Variants in PALLD observed in about 807,000 individuals in gnomAD.
PALLD encodes palladin, cytoskeletal associated protein.
In PALLD, 61 loss-of-function variants were observed where a neutral mutation model predicts 123.5. That is an observed-to-expected ratio of 0.49 (90% confidence interval 0.40 to 0.61). The LOEUF is 0.61. Among genes scored for constraint, PALLD ranks in the 20% least tolerant of loss-of-function variants. The pLI is 0.00. For synonymous variants in PALLD, 465 were observed against 496.4 expected (o/e 0.94, Z 0.84); for missense variants, 1,273 against 1,377.0 (o/e 0.92, Z 1.20).
intron 18 of PALLD, among the ~76,000 whole-genome samples, chr4:168,922,100 T>TACACAC (rs1257662371): frequency 7.1e-4 from 69 of 96,634 alleles, no homozygotes; most frequent in Middle Eastern, 5.2e-3. Context: ...TATATATATA[T>TACACAC]ATACACACAC....
At chr4:168,896,434 T>G (rs1755187493) in intron 12 of PALLD, 115 bp from the exon 13 acceptor site, 4 of 693,504 alleles carry the variant, frequency 5.8e-6, no homozygotes, top group Non-Finnish European at 1.0e-5. Flanking sequence ...ACAGCACCGT[T>G]ACTACCAAAC....
At chr4:168,654,878 A>G (rs1186762748) in intron 2 of PALLD, 1 of 152,246 alleles carries the variant, frequency 6.6e-6, no homozygotes, top group Non-Finnish European at 1.5e-5. Flanking sequence ...CTGTGTAACT[A>G]GAACAAGAAA....
intron 3 of PALLD, among the ~76,000 whole-genome samples, chr4:168,675,461 A>T (rs1780740988): frequency 6.6e-6 from 1 of 152,266 alleles, no homozygotes; most frequent in East Asian, 1.9e-4. Context: ...TGCTGGGACC[A>T]CTGCCGTGCC....
chr4:168,851,850 C>T lies in PALLD; in HGVS notation c.1965-39072C>T, dbSNP rs1244310971. ...ATAATCTAATGTTGAAGCAGTCCACCGCATTTCAGGTCTCCTGGAAATGTG... is the reference window on the plus strand; with the variant it reads ...ATAATCTAATGTTGAAGCAGTCCACTGCATTTCAGGTCTCCTGGAAATGTG... On this transcript the variant is annotated intron_variant, in intron 10 of 21. Coordinates refer to ENST00000505667, the MANE Select transcript of PALLD (RefSeq NM_001166108.2). 1.2e-4 allele frequency among the ~76,000 whole-genome samples: 19 copies of T among 152,142 alleles called. 1 individual carries two copies.
chr4:168,600,769 A>G (rs1380247493), intron 2 of PALLD, among the ~76,000 whole-genome samples: 3 of 152,176 alleles, frequency 2.0e-5, no homozygotes, highest in Non-Finnish European at 4.4e-5. Context: ...AGAGGATGCA[A>G]AGAAAGTCTA....
intron 10 of PALLD, chr4:168,878,163 C>A: frequency 6.7e-7 from 1 of 1,492,568 alleles, no homozygotes; most frequent in East Asian, 2.8e-5. Flanking sequence ...CCCCCGCCCC[C>A]GCCACCCCCG....
At chr4:168,890,804 TA>T in intron 10 of PALLD, 117 bp from the exon 11 acceptor site, 2 of 1,023,544 alleles carry the variant, frequency 2.0e-6, no homozygotes, top group Admixed American at 1.7e-5. Flanking sequence ...AGATGTAGCA[TA>T]AAAAATAGTG....
intron 2 of PALLD, among the ~76,000 whole-genome samples, chr4:168,629,685 C>T (rs1440175855): frequency 2.0e-5 from 3 of 151,538 alleles, no homozygotes; most frequent in African/African-American, 7.3e-5. Context: ...GTCACCACTA[C>T]CTCTCCTGAC....
In PALLD at chr4:168,922,017, T is replaced by C. The variant is rs895122777; in HGVS notation, c.3058+276T>C. The stretch of plus-strand genomic sequence containing the variant: ...GTGTATAGTGGCCCCTAGTGTTACA[T>C]AGAGAAATAGTAACAGCAGCATGGA... On this transcript the variant is annotated intron_variant, in intron 18 of 21. Coordinates refer to ENST00000505667, the MANE Select transcript of PALLD (RefSeq NM_001166108.2). 1.4e-4 allele frequency among the ~76,000 whole-genome samples: 21 copies of C among 151,416 alleles called. 1 individual carries two copies. The highest frequency in any genetic ancestry group is 2.1e-4 in the Non-Finnish European group (14 of 67,944).
chr4:168,700,009 TATTTTA>T, intron 8 of PALLD: 1 of 261,552 alleles, frequency 3.8e-6, no homozygotes, highest in Non-Finnish European at 7.7e-6. Flanking sequence ...TACCAAAATT[TATTTTA>T]CAGATGTCTT....
At chr4:168,552,269 A>G (rs1203923371) in intron 2 of PALLD, among the ~76,000 whole-genome samples, 1 of 152,160 alleles carries the variant, frequency 6.6e-6, no homozygotes, top group Admixed American at 6.5e-5. Context: ...CCCAAAGCCA[A>G]CGTGGGGTGA....
intron 10 of PALLD, among the ~76,000 whole-genome samples, chr4:168,821,805 G>A (rs888095186): frequency 4.0e-5 from 6 of 149,902 alleles, no homozygotes; most frequent in South Asian, 2.1e-4. Context: ...ACTTGAACTC[G>A]AGAGGTGGAG....
chr4:168,717,603 G>A (rs959943637), intron 10 of PALLD, among the ~76,000 whole-genome samples: 1 of 152,012 alleles, frequency 6.6e-6, no homozygotes, highest in Admixed American at 6.6e-5. Context: ...CACCCACCTC[G>A]GCCTCCCAAA....
intron 10 of PALLD, among the ~76,000 whole-genome samples, chr4:168,850,928 C>G (rs1416324650): frequency 6.6e-6 from 1 of 152,178 alleles, no homozygotes; most frequent in East Asian, 1.9e-4. Context: ...TAGCATGTGT[C>G]TGCGAACCCT....
chr4:168,894,042 C>G (rs1470186198), intron 11 of PALLD: 1 of 166,650 alleles, frequency 6.0e-6, no homozygotes, highest in African/African-American at 2.4e-5. Context: ...GCCAGCTCAT[C>G]CACATCTTCC....
At chr4:168,580,367 GA>G (rs1314518837) in intron 2 of PALLD, among the ~76,000 whole-genome samples, 1 of 151,552 alleles carries the variant, frequency 6.6e-6, no homozygotes, top group Non-Finnish European at 1.5e-5. Context: ...CCAAGCATAT[GA>G]AAAAAATGCT....
chr4:168,883,280 T>C (rs1031497317), intron 10 of PALLD, among the ~76,000 whole-genome samples: 5 of 152,190 alleles, frequency 3.3e-5, no homozygotes, highest in African/African-American at 9.6e-5. Context: ...GAAAACAGAA[T>C]TGATATACAA....
intron 2 of PALLD, among the ~76,000 whole-genome samples, chr4:168,595,633 G>A (rs893982365): frequency 2.6e-5 from 4 of 152,098 alleles, no homozygotes; most frequent in Non-Finnish European, 4.4e-5. Context: ...CCCATTTATA[G>A]TGAAGCAAGA....
At chr4:168,601,404 G>A (rs79495686) in intron 2 of PALLD, among the ~76,000 whole-genome samples, 2,450 of 152,120 alleles carry the variant, frequency 0.016, 60 homozygotes, top group African/African-American at 0.056. Flanking sequence ...ACTTCAATGC[G>A]TAGAATGCCA....
Sources: allele counts gnomAD v4.1 joint callset (sites outside exome capture counted in the v4.1 genomes callset), GRCh38; gene constraint gnomAD v4.1.1; transcripts MANE v1.5; gene names NCBI Gene and HGNC (gene_info 2026-07-23, HGNC 2026-07-21).